RTBDN: variants seen among roughly 807,000 people sequenced by gnomAD.
RTBDN encodes retbindin.
Under a neutral mutation model 21.9 loss-of-function variants are expected in RTBDN, and 24 were observed. The ratio of observed to expected loss-of-function variants is 1.10; its 90% CI spans 0.79 to 1.54. The LOEUF (loss-of-function observed/expected upper bound fraction) is 1.54. RTBDN is among the 40% of genes most tolerant of loss of function. The pLI, the probability that RTBDN is intolerant of heterozygous loss-of-function variation, is 0.00. For missense variants in RTBDN, 325 were observed against 315.2 expected (o/e 1.03, Z -0.23); for synonymous variants, 141 against 125.9 (o/e 1.12, Z -0.80).
In RTBDN at chr19:12,828,723, C is replaced by T. The variant is rs371822025; in HGVS notation, c.299G>A (p.Arg100His). 29 of 1,614,092 alleles carry T rather than the reference C, an allele frequency of 1.8e-5. No homozygotes were observed. The highest frequency in any genetic ancestry group is 2.2e-5 in the Non-Finnish European group (26 of 1,180,048). The change falls in exon 4 of 6, where the codon CGC becomes CAC. Residue 100 changes from arginine to histidine, a missense_variant. Coordinates refer to ENST00000674343, the MANE Select transcript of RTBDN (RefSeq NM_001270441.2). ...LEHLQRALRS[R>H]FRLRLLGVRQ... ...TACCCCCAATAGCCGCAGGCGGAAG[C>T]GACTGCGAAGGGCACGTTGGAGGTG...
At chr19:12,833,365 T>C (rs1349190119) in intron 1 of RTBDN, among the ~76,000 whole-genome samples, 1 of 152,002 alleles carries the variant, frequency 6.6e-6, no homozygotes, top group African/African-American at 2.4e-5. Context: ...ACGGGAATTG[T>C]TACTCCTGGG....
At position 12,834,057 on chromosome 19, in the gene RTBDN, G is replaced by A. The variant is rs1161829478; in HGVS notation, c.-19+432C>T. Reference sequence around the variant, plus strand: ...GGAGAGGAAGGGGTCGGCGCCCTGGGGCGGGGCTGGGCAGGAGGCGGGAGA... The same window carrying A: ...GGAGAGGAAGGGGTCGGCGCCCTGGAGCGGGGCTGGGCAGGAGGCGGGAGA... On this transcript the variant is annotated intron_variant, in intron 1 of 5. Coordinates refer to ENST00000674343, the MANE Select transcript of RTBDN (RefSeq NM_001270441.2). This position sits in a 1 kb window ranked among gnomAD's most constrained non-coding sequence, Gnocchi z 4.7. The A allele has an allele frequency of 5.0e-6, 2 of 398,174 alleles. No homozygotes were observed. Among genetic ancestry groups the A allele is most frequent in the Non-Finnish European group, 8.9e-6 (2 of 225,874 alleles). The allele number at this position is 398,174 out of a possible 1,614,324, so 24.7% of individuals were successfully genotyped here. A position where few individuals can be genotyped will look rare whatever the true frequency, so the allele number is the denominator to read the frequency against.
Position 12,834,093 on chromosome 19 carries a change from G to A in RTBDN, c.-19+396C>T, listed in dbSNP as rs1373432942. Reference sequence around the variant, plus strand: ...GCAGGAGGCGGGAGAACTTGCACTAGGGTCAGCCGGGACGCCCCCACCCAT... The same window carrying A: ...GCAGGAGGCGGGAGAACTTGCACTAAGGTCAGCCGGGACGCCCCCACCCAT... On this transcript the variant is annotated intron_variant, in intron 1 of 5. Transcript: ENST00000674343. This position sits in a 1 kb window ranked among gnomAD's most constrained non-coding sequence, Gnocchi z 4.7. The A allele has an allele frequency of 1.0e-5, 4 of 398,480 alleles. No homozygotes were observed. The highest frequency in any genetic ancestry group is 1.8e-5 in the Non-Finnish European group (4 of 226,004). The allele number at this position is 398,480 out of a possible 1,614,324, so 24.7% of individuals were successfully genotyped here.
In RTBDN at chr19:12,828,706, A is replaced by T; in HGVS notation, c.316T>A (p.Leu106Met). 6.2e-7 allele frequency: 1 copy of T among 1,614,086 alleles called. No homozygotes were observed. The highest frequency in any genetic ancestry group is 1.1e-5 in the South Asian group (1 of 91,090). Reference protein sequence around the residue: ...ALRSRFRLRLLGVRQAQPLCE... With the variant: ...ALRSRFRLRLMGVRQAQPLCE... Reference sequence around the variant, plus strand: ...AGCGGCTGTGCCTGGCGTACCCCCAATAGCCGCAGGCGGAAGCGACTGCGA... The same window carrying T: ...AGCGGCTGTGCCTGGCGTACCCCCATTAGCCGCAGGCGGAAGCGACTGCGA... The change falls in exon 4 of 6, where the codon TTG becomes ATG. Residue 106 changes from leucine (L) to methionine (M), a missense_variant. Physicochemically the swap from Leu to Met is conservative, Grantham distance 15. Coordinates refer to ENST00000674343, the MANE Select transcript of RTBDN (RefSeq NM_001270441.2).
At chr19:12,826,107 A>G (rs1969286761) in intron 5 of RTBDN, 174 bp from the exon 6 acceptor site, 2 of 1,389,590 alleles carry the variant, frequency 1.4e-6, no homozygotes, top group East Asian at 5.7e-5. Flanking sequence ...GGGAGGGTGA[A>G]TGTTCTTACT....
chr19:12,830,245 C>A lies in RTBDN; in HGVS notation c.-18-248G>T. The A allele has an allele frequency of 8.0e-7, 1 of 1,246,212 alleles. No homozygotes were observed. The highest frequency in any genetic ancestry group is 1.0e-6 in the Non-Finnish European group (1 of 990,906). 77.2% of individuals were successfully genotyped at this position (1,246,212 alleles called of 1,614,324 possible). A position where few individuals can be genotyped will look rare whatever the true frequency, so the allele number is the denominator to read the frequency against. The stretch of plus-strand genomic sequence containing the variant: ...AGTGCCACCCCAACCAAGCTTAGAC[C>A]ACAGTGGCCCTCCTCCCATCCAGCA... On this transcript the variant is annotated intron_variant, in intron 1 of 5. Transcript: ENST00000674343. The surrounding 1 kb of genome is among the most constrained non-coding windows in gnomAD (Gnocchi z 4.2).
Position 12,834,024 on chromosome 19 carries a change from C to G in RTBDN, c.-19+465G>C, listed in dbSNP as rs1018330897. ...GGCTGCAGGTACGCGGCTGCCTGGG[C>G]CCCGGGTGGAGAGGAAGGGGTCGGC... On this transcript the variant is annotated intron_variant, in intron 1 of 5. Transcript: ENST00000674343. The surrounding 1 kb of genome is among the most constrained non-coding windows in gnomAD (Gnocchi z 4.7). The G allele has an allele frequency of 3.5e-5, 14 of 398,432 alleles. No individual in the cohort carries two copies. The highest frequency in any genetic ancestry group is 4.9e-5 in the Non-Finnish European group (11 of 225,952). 24.7% of individuals were successfully genotyped at this position (398,432 alleles called of 1,614,324 possible). A position where few individuals can be genotyped will look rare whatever the true frequency, so the allele number is the denominator to read the frequency against.
At chr19:12,835,315 C>G (rs931604299), upstream of RTBDN, 1 of 556,156 alleles carries the variant, frequency 1.8e-6, no homozygotes, top group African/African-American at 1.9e-5. Context: ...CCCACATTCT[C>G]TCCGCCTCTC....
At chr19:12,835,318 C>G (rs748132377), upstream of RTBDN, 198 of 558,264 alleles carry the variant, frequency 3.5e-4, 1 homozygote, top group Middle Eastern at 2.9e-3. Context: ...ACATTCTCTC[C>G]GCCTCTCGGG....
intron 5 of RTBDN, 48 bp downstream of exon 5, chr19:12,826,724 TTGG>T: frequency 8.9e-7 from 1 of 1,118,362 alleles, no homozygotes; most frequent in Non-Finnish European, 1.3e-6. Context: ...AATAAATAAC[TTGG>T]TGGGGAGGAT....
chr19:12,835,014 C>T (rs933038440), upstream of RTBDN: 33 of 1,588,144 alleles, frequency 2.1e-5, no homozygotes, highest in Non-Finnish European at 2.7e-5. Flanking sequence ...TAGATAAAGC[C>T]GAGAATGGGC....
At chr19:12,826,072 G>C in intron 5 of RTBDN, 139 bp from the exon 6 acceptor site, 2 of 1,414,950 alleles carry the variant, frequency 1.4e-6, no homozygotes, top group Non-Finnish European at 9.2e-7. Flanking sequence ...TCTATGTGCG[G>C]AACGTGAGTG....
At chr19:12,833,778 C>A (rs1172554460) in intron 1 of RTBDN, among the ~76,000 whole-genome samples, 1 of 129,952 alleles carries the variant, frequency 7.7e-6, no homozygotes, top group East Asian at 2.7e-4. Context: ...CGGGCTCGGG[C>A]GCCCAGACGC....
At position 12,834,071 on chromosome 19, in the gene RTBDN, G is replaced by C; in HGVS notation, c.-19+418C>G. ...CGGCGCCCTGGGGCGGGGCTGGGCA[G>C]GAGGCGGGAGAACTTGCACTAGGGT... On this transcript the variant is annotated intron_variant, in intron 1 of 5. Coordinates refer to ENST00000674343, the MANE Select transcript of RTBDN (RefSeq NM_001270441.2). This position sits in a 1 kb window ranked among gnomAD's most constrained non-coding sequence, Gnocchi z 4.7. 2.5e-6 allele frequency: 1 copy of C among 398,158 alleles called. No homozygotes were observed. The allele number at this position is 398,158 out of a possible 1,614,324, so 24.7% of individuals were successfully genotyped here.
intron 2 of RTBDN, among the ~76,000 whole-genome samples, 175 bp downstream of exon 2, chr19:12,829,636 G>T (rs1969477243): frequency 6.6e-6 from 1 of 152,282 alleles, no homozygotes; most frequent in African/African-American, 2.4e-5. Flanking sequence ...AAGTGGCAGA[G>T]TTGGGATTTG....
chr19:12,830,555 AGC>A lies in RTBDN; in HGVS notation c.-18-560_-18-559del. ...CCAAAGCCCCGAGGCAGGGACAGCT[AGC>A]GGTCTGTGGAGACAAGACTGTCCCC... On this transcript the variant is annotated intron_variant, in intron 1 of 5. Transcript: ENST00000674343. This position sits in a 1 kb window ranked among gnomAD's most constrained non-coding sequence, Gnocchi z 4.2. 6 of 983,884 alleles carry A rather than the reference AGC, an allele frequency of 6.1e-6. No homozygotes were observed. The South Asian group carries it at 2.8e-4, about 46-fold the overall frequency. The allele number at this position is 983,884 out of a possible 1,614,324, so 60.9% of individuals were successfully genotyped here.
chr19:12,833,756 G>T (rs1258080487), intron 1 of RTBDN, among the ~76,000 whole-genome samples: 2 of 123,068 alleles, frequency 1.6e-5, no homozygotes, highest in African/African-American at 6.1e-5. Context: ...CGCGGGCAGC[G>T]GTGGCTGAGC....
chr19:12,825,765 T>A lies in RTBDN; in HGVS notation c.631A>T (p.Thr211Ser), dbSNP rs564096036. The change falls in exon 6 of 6, where the codon ACC (threonine) becomes TCC (serine). Residue 211 changes from threonine (T) to serine (S), a missense_variant. Coordinates refer to ENST00000674343, the MANE Select transcript of RTBDN (RefSeq NM_001270441.2). Reference sequence around the variant, plus strand: ...CTGCCCGCAGCGTCCAGGATGGAGGTGCGAGGGCTGCGGGAACGCCGGGAG... The same window carrying A: ...CTGCCCGCAGCGTCCAGGATGGAGGAGCGAGGGCTGCGGGAACGCCGGGAG... ...APSRRSRSPR[T>S]SILDAAGSGS... 6.2e-7 allele frequency: 1 copy of A among 1,605,190 alleles called. No homozygotes were observed. The highest frequency in any genetic ancestry group is 1.1e-5 in the South Asian group (1 of 90,516).
Position 12,834,331 on chromosome 19 carries a change from G to A in RTBDN, c.-19+158C>T, listed in dbSNP as rs1371373284. ...CGCCCTGGCGCCTCGCCAGGCTAGGGGTGAGGGGGCGCAGAGCAAAGTTAT... is the reference window on the plus strand; with the variant it reads ...CGCCCTGGCGCCTCGCCAGGCTAGGAGTGAGGGGGCGCAGAGCAAAGTTAT... On this transcript the variant is annotated intron_variant, in intron 1 of 5. Transcript: ENST00000674343. This position sits in a 1 kb window ranked among gnomAD's most constrained non-coding sequence, Gnocchi z 4.7. 6.6e-6 allele frequency among the ~76,000 whole-genome samples: 1 copy of A among 152,206 alleles called. No homozygotes were observed. The highest frequency in any genetic ancestry group is 1.5e-5 in the Non-Finnish European group (1 of 68,010).
Sources: gnomAD v4.1 joint callset for allele counts (sites outside exome capture counted in the v4.1 genomes callset) on GRCh38, gnomAD v4.1.1 for gene constraint, Gnocchi (gnomAD v3.1) non-coding constraint, MANE v1.5 for transcripts, NCBI Gene and HGNC (gene_info 2026-07-23, HGNC 2026-07-21) for gene names.